ZFHX3: variants seen among roughly 807,000 people sequenced by gnomAD.
ZFHX3 encodes the protein zinc finger homeobox 3.
In ZFHX3, 42 loss-of-function variants were observed where a neutral mutation model predicts 279.1. That is an observed-to-expected ratio of 0.15 (90% CI 0.12 to 0.19). The LOEUF is 0.19. Among genes scored for constraint, ZFHX3 ranks in the 10% least tolerant of loss-of-function variants. The pLI is 1.00. For synonymous variants in ZFHX3, 2,293 were observed against 1,957.8 expected (o/e 1.17, Z -4.52); for missense variants, 4,981 against 4,754.0 (o/e 1.05, Z -1.40).
intron 3 of ZFHX3, among the ~76,000 whole-genome samples, chr16:72,936,657 G>A (rs914990990): frequency 6.6e-6 from 1 of 152,184 alleles, no homozygotes; most frequent in South Asian, 2.1e-4. Flanking sequence ...TGCAGTGTAG[G>A]GGGCAAAGGG....
chr16:73,026,072 C>T, intron 1 of ZFHX3, among the ~76,000 whole-genome samples: 1 of 151,878 alleles, frequency 6.6e-6, no homozygotes, highest in East Asian at 1.9e-4. Context: ...GTCTGCTGGG[C>T]ACAGTGGCTC....
At chr16:73,308,536 C>T (rs1292820377) in intron 4 of ZFHX3, among the ~76,000 whole-genome samples, 2 of 151,790 alleles carry the variant, frequency 1.3e-5, no homozygotes, top group African/African-American at 4.8e-5. Context: ...TGGGAGTTCA[C>T]CAGATGGTGA....
rs540659746 is a variant in ZFHX3, at chr16:73,194,022, C to T, written c.-1103-50191G>A. Among the ~76,000 whole-genome samples the T allele has an allele frequency of 1.0e-3, 152 of 152,280 alleles. No individual in the cohort carries two copies. In the Middle Eastern group the frequency reaches 0.01, roughly 10 times the overall value. ...CCCTCTAGTCCAGTGGGTTCTTAAG[C>T]TTCTGAGGGCCACGGCTTGTATGAC... On this transcript the variant is annotated intron_variant, in intron 5 of 17. Transcript: ENST00000641206.
At chr16:72,870,717 C>CAAAAAAAAAAA (rs71156125) in intron 4 of ZFHX3, among the ~76,000 whole-genome samples, 5 of 101,426 alleles carry the variant, frequency 4.9e-5, no homozygotes, top group Non-Finnish European at 3.9e-5. Context: ...GACTCTGTCT[C>CAAAAAAAAAAA]AAAAAAAAAA....
chr16:73,813,892 G>A (rs1282205861), intron 1 of ZFHX3: 1 of 152,196 alleles, frequency 6.6e-6, no homozygotes, highest in African/African-American at 2.4e-5. Context: ...TGGAGCTTTG[G>A]TTTTAATTTG....
intron 1 of ZFHX3, among the ~76,000 whole-genome samples, chr16:73,781,941 C>G (rs1309811147): frequency 6.6e-6 from 1 of 152,062 alleles, no homozygotes; most frequent in South Asian, 2.1e-4. Context: ...GAGCTGAGAT[C>G]GTGCCACTGC....
At chr16:73,234,445 A>C (rs139178712) in intron 5 of ZFHX3, among the ~76,000 whole-genome samples, 1 of 152,216 alleles carries the variant, frequency 6.6e-6, no homozygotes. Flanking sequence ...TTTTTGATGA[A>C]AGACTGGAAA....
intron 1 of ZFHX3, among the ~76,000 whole-genome samples, chr16:73,013,276 ACT>A (rs1364392154): frequency 1.3e-5 from 2 of 151,830 alleles, no homozygotes; most frequent in Non-Finnish European, 2.9e-5. Flanking sequence ...CCATGTGAAA[ACT>A]CTTTATTTTT....
chr16:73,191,591 C>T (rs924622364), intron 5 of ZFHX3, among the ~76,000 whole-genome samples: 8 of 152,202 alleles, frequency 5.3e-5, no homozygotes, highest in African/African-American at 1.9e-4. Context: ...AAACCCCTCC[C>T]GTTTGGTCAC....
Position 73,476,103 on chromosome 16 carries a change from G to A in ZFHX3, c.-1546-19845C>T, listed in dbSNP as rs548692739. Among the ~76,000 whole-genome samples the A allele has an allele frequency of 1.0e-3, 152 of 152,160 alleles. 1 individual carries two copies. The highest frequency in any genetic ancestry group is 3.2e-3 in the African/African-American group (134 of 41,544). On this transcript the variant is annotated intron_variant, in intron 2 of 17. Transcript: ENST00000641206. ...CTTTTCTTTCTGTTATAGGGATAAC[G>A]TTCATTGTTTTCCTGTTTGCAAGCT...
intron 3 of ZFHX3, among the ~76,000 whole-genome samples, chr16:73,379,027 A>C (rs1046016734): frequency 1.3e-5 from 2 of 152,190 alleles, no homozygotes; most frequent in Non-Finnish European, 2.9e-5. Flanking sequence ...GTACAGTCCC[A>C]AGAACTCAGT....
chr16:73,659,503 TC>T (rs992074135), intron 2 of ZFHX3, among the ~76,000 whole-genome samples: 5 of 152,054 alleles, frequency 3.3e-5, no homozygotes, highest in African/African-American at 1.2e-4. Context: ...AATGTTACCC[TC>T]AGAGATTCCC....
At chr16:73,519,114 G>C (rs2019571546) in intron 2 of ZFHX3, among the ~76,000 whole-genome samples, 1 of 152,140 alleles carries the variant, frequency 6.6e-6, no homozygotes, top group African/African-American at 2.4e-5. Flanking sequence ...CTGAATTCCA[G>C]ACGGTTGAAA....
intron 2 of ZFHX3, among the ~76,000 whole-genome samples, chr16:73,632,624 A>G (rs992149411): frequency 6.6e-6 from 1 of 151,202 alleles, no homozygotes; most frequent in Admixed American, 6.6e-5. Flanking sequence ...AGGTGAAGGT[A>G]GCAGTGAGCT....
intron 2 of ZFHX3, among the ~76,000 whole-genome samples, chr16:73,626,058 G>C (rs890749914): frequency 6.6e-6 from 1 of 151,936 alleles, no homozygotes; most frequent in Non-Finnish European, 1.5e-5. Flanking sequence ...GGGTTTCATC[G>C]TGTTAGCCAG....
intron 4 of ZFHX3, among the ~76,000 whole-genome samples, chr16:73,315,204 A>G (rs1487595474): frequency 1.3e-5 from 2 of 150,354 alleles, no homozygotes; most frequent in African/African-American, 4.9e-5. Context: ...AAGAGTGAAA[A>G]CTCCATCTCA....
intron 4 of ZFHX3, among the ~76,000 whole-genome samples, chr16:73,284,316 C>CAAAAAAAAAAAAAAA (rs71156152): frequency 1.2e-5 from 1 of 83,306 alleles, no homozygotes; most frequent in Non-Finnish European, 2.2e-5. Flanking sequence ...GACTCTGTCT[C>CAAAAAAAAAAAAAAA]AAAAAAAAAA....
intron 7 of ZFHX3, among the ~76,000 whole-genome samples, chr16:73,103,311 C>G (rs563869781): frequency 6.6e-6 from 1 of 152,174 alleles, no homozygotes; most frequent in South Asian, 2.1e-4. Context: ...AGGTTCCCAG[C>G]CTTGTCTCCC....
Position 73,441,360 on chromosome 16 carries a change from A to C in ZFHX3, c.-1291+14643T>G, listed in dbSNP as rs183632944. Among the ~76,000 whole-genome samples the C allele has an allele frequency of 1.1e-4, 17 of 152,264 alleles. No homozygotes were observed. In the East Asian group the frequency reaches 2.9e-3, roughly 26 times the overall value. Reference sequence around the variant, plus strand: ...CCCCCTCCTAACCTTTGTCTAAAAGACCAGATCAACATCCTGAACTCCCTG... The same window carrying C: ...CCCCCTCCTAACCTTTGTCTAAAAGCCCAGATCAACATCCTGAACTCCCTG... On this transcript the variant is annotated intron_variant, in intron 3 of 17. Transcript: ENST00000641206.
Sources: gnomAD v4.1 joint callset for allele counts (sites outside exome capture counted in the v4.1 genomes callset) on GRCh38, gnomAD v4.1.1 for gene constraint, MANE v1.5 for transcripts, NCBI Gene and HGNC (gene_info 2026-07-23, HGNC 2026-07-21) for gene names.